ASIC2: variants seen among roughly 807,000 people sequenced by gnomAD.
ASIC2 encodes the protein acid sensing ion channel subunit 2.
A neutral mutation model predicts 57.3 loss-of-function variants in ASIC2; 25 were observed. The ratio of observed to expected loss-of-function variants is 0.44; its 90% CI spans 0.32 to 0.61. The LOEUF (loss-of-function observed/expected upper bound fraction) is 0.61, where lower values mean the gene tolerates loss of function less well. Among genes scored for constraint, ASIC2 ranks in the 20% least tolerant of loss-of-function variants. The probability of loss-of-function intolerance (pLI) is 0.06; values close to 1 mark genes in which losing one functional copy is unlikely to be tolerated. For missense variants in ASIC2, 641 were observed against 738.1 expected (o/e 0.87, Z 1.52); for synonymous variants, 319 against 307.5 (o/e 1.04, Z -0.39).
intron 1 of ASIC2, among the ~76,000 whole-genome samples, chr17:33,478,563 G>A (rs557622341): frequency 1.3e-5 from 2 of 152,236 alleles, no homozygotes; most frequent in South Asian, 2.1e-4. Flanking sequence ...TCAATCCTTC[G>A]GGAGAAAATT....
intron 2 of ASIC2, among the ~76,000 whole-genome samples, chr17:33,099,001 T>C (rs1012150050): frequency 2.0e-5 from 3 of 150,318 alleles, no homozygotes; most frequent in South Asian, 2.1e-4. Flanking sequence ...AAACAAAATA[T>C]ATATATATTT....
chr17:33,170,811 T>A (rs1378304003), intron 1 of ASIC2, among the ~76,000 whole-genome samples: 1 of 152,222 alleles, frequency 6.6e-6, no homozygotes, highest in Non-Finnish European at 1.5e-5. Flanking sequence ...AATATTCCCA[T>A]CAAATATTCA....
At chr17:33,034,557 G>GT (rs945107982) in intron 3 of ASIC2, among the ~76,000 whole-genome samples, 13 of 151,684 alleles carry the variant, frequency 8.6e-5, no homozygotes, top group African/African-American at 2.7e-4. Context: ...TAATGTCTTA[G>GT]TTTTTTTTTG....
At chr17:33,483,110 G>A (rs923740875) in intron 1 of ASIC2, among the ~76,000 whole-genome samples, 8 of 151,392 alleles carry the variant, frequency 5.3e-5, no homozygotes, top group Non-Finnish European at 1.0e-4. Context: ...GTGGCTGAGT[G>A]GGCCTCCTGC....
chr17:33,634,514 C>CTTTT (rs71144891), intron 1 of ASIC2, among the ~76,000 whole-genome samples: 6 of 118,504 alleles, frequency 5.1e-5, no homozygotes, highest in Non-Finnish European at 8.6e-5. Context: ...ACTTTTTTTT[C>CTTTT]TTTTTTTTTT....
intron 1 of ASIC2, among the ~76,000 whole-genome samples, chr17:33,242,420 C>A (rs557634714): frequency 2.8e-4 from 43 of 152,250 alleles, no homozygotes; most frequent in African/African-American, 9.9e-4. Flanking sequence ...TATAGCCCAG[C>A]ACTATGACCA....
At chr17:34,021,677 G>A (rs897810207) in intron 1 of ASIC2, among the ~76,000 whole-genome samples, 3 of 152,222 alleles carry the variant, frequency 2.0e-5, no homozygotes, top group African/African-American at 4.8e-5. Flanking sequence ...TGAGATCAGC[G>A]TTGAGTTTGC....
chr17:33,758,809 T>A (rs1033969159), intron 1 of ASIC2, among the ~76,000 whole-genome samples: 43 of 152,234 alleles, frequency 2.8e-4, no homozygotes, highest in African/African-American at 1.0e-3. Flanking sequence ...TGTGGCCTTT[T>A]TACCTTGGAC....
chr17:33,044,125 C>T (rs2091940963), intron 3 of ASIC2, among the ~76,000 whole-genome samples: 1 of 152,222 alleles, frequency 6.6e-6, no homozygotes, highest in East Asian at 1.9e-4. Context: ...TTGGGCCTTG[C>T]TGGCTCTAGA....
chr17:33,499,675 C>A (rs544167079), intron 1 of ASIC2, among the ~76,000 whole-genome samples: 12 of 152,354 alleles, frequency 7.9e-5, no homozygotes, highest in African/African-American at 2.9e-4. Context: ...CCTGATGATA[C>A]TGACTGGTTC....
At chr17:33,894,477 C>T (rs1288683163) in intron 1 of ASIC2, among the ~76,000 whole-genome samples, 2 of 152,120 alleles carry the variant, frequency 1.3e-5, no homozygotes, top group East Asian at 3.9e-4. Flanking sequence ...CTCCTGGGTG[C>T]CCTCACCTCT....
intron 1 of ASIC2, among the ~76,000 whole-genome samples, chr17:33,944,728 C>T (rs557819386): frequency 1.3e-5 from 2 of 152,192 alleles, no homozygotes; most frequent in Admixed American, 6.5e-5. Flanking sequence ...ATGAGCTAAT[C>T]GTGCTGAAAG....
At chr17:33,933,790 T>C (rs1915997631) in intron 1 of ASIC2, among the ~76,000 whole-genome samples, 2 of 152,188 alleles carry the variant, frequency 1.3e-5, no homozygotes, top group South Asian at 4.1e-4. Context: ...CACAGAATCC[T>C]TTGAGGAGGC....
At chr17:33,439,634 T>C (rs1313438647) in intron 1 of ASIC2, among the ~76,000 whole-genome samples, 3 of 152,160 alleles carry the variant, frequency 2.0e-5, no homozygotes, top group Admixed American at 6.5e-5. Context: ...AAGGAGAGGC[T>C]GAGTTTCACA....
intron 1 of ASIC2, among the ~76,000 whole-genome samples, chr17:33,584,264 G>A (rs1057342359): frequency 1.3e-5 from 2 of 152,134 alleles, no homozygotes; most frequent in African/African-American, 4.8e-5. Flanking sequence ...CATGGAGAGG[G>A]TGACATGTGT....
intron 1 of ASIC2, among the ~76,000 whole-genome samples, chr17:33,597,259 C>T (rs1414577481): frequency 6.6e-6 from 1 of 152,208 alleles, no homozygotes; most frequent in Non-Finnish European, 1.5e-5. Context: ...CCCACAGGGC[C>T]CTGCAGGGAA....
chr17:33,272,207 A>T (rs933306543), intron 1 of ASIC2, among the ~76,000 whole-genome samples: 2 of 152,096 alleles, frequency 1.3e-5, no homozygotes, highest in Non-Finnish European at 2.9e-5. Flanking sequence ...CTATCCTATC[A>T]TCCTATTTTG....
intron 1 of ASIC2, among the ~76,000 whole-genome samples, chr17:33,396,656 C>A (rs1307837703): frequency 1.3e-5 from 2 of 152,182 alleles, no homozygotes; most frequent in East Asian, 3.9e-4. Flanking sequence ...GTGCCTAGGA[C>A]TGTCCCTAAA....
intron 1 of ASIC2, among the ~76,000 whole-genome samples, chr17:33,995,317 T>C (rs1422884868): frequency 6.6e-6 from 1 of 152,148 alleles, no homozygotes; most frequent in Non-Finnish European, 1.5e-5. Context: ...CAAAGTCCAA[T>C]CCTGACCTCT....
Sources: gnomAD v4.1 joint callset for allele counts (sites outside exome capture counted in the v4.1 genomes callset) on GRCh38, gnomAD v4.1.1 for gene constraint, MANE v1.5 for transcripts, NCBI Gene and HGNC (gene_info 2026-07-23, HGNC 2026-07-21) for gene names.